CFAP77: variants seen among roughly 807,000 people sequenced by gnomAD.
CFAP77 encodes cilia- and flagella-associated protein 77.
A neutral mutation model predicts 31.1 loss-of-function variants in CFAP77; 25 were observed. The observed-to-expected ratio is 0.80, with a 90% CI of 0.59 to 1.12. CFAP77 has a LOEUF of 1.12. CFAP77 is among the 50% of genes most tolerant of loss of function. The pLI is 0.00. For synonymous variants in CFAP77, 151 were observed against 159.9 expected (o/e 0.94, Z 0.42); for missense variants, 377 against 397.3 (o/e 0.95, Z 0.44).
intron 5 of CFAP77, among the ~76,000 whole-genome samples, chr9:132,562,017 G>A (rs540742248): frequency 2.6e-5 from 4 of 152,326 alleles, no homozygotes; most frequent in Non-Finnish European, 4.4e-5. Flanking sequence ...GTGAATTTAC[G>A]CCCCCATGAA....
At chr9:132,544,016 G>C (rs1036485206) in intron 5 of CFAP77, among the ~76,000 whole-genome samples, 1 of 152,218 alleles carries the variant, frequency 6.6e-6, no homozygotes, top group African/African-American at 2.4e-5. Flanking sequence ...GCCCCGGGAA[G>C]ACAGCTGCAA....
At chr9:132,524,532 G>T (rs768115591) in intron 3 of CFAP77, among the ~76,000 whole-genome samples, 3 of 151,870 alleles carry the variant, frequency 2.0e-5, no homozygotes, top group African/African-American at 2.4e-5. Context: ...AGAATCACTT[G>T]AACCTGGGAG....
Position 132,458,144 on chromosome 9 carries a change from C to T in CFAP77, c.196-40551C>T, listed in dbSNP as rs1159501547. On this transcript the variant is annotated intron_variant, in intron 1 of 5. Coordinates refer to ENST00000393216, the MANE Select transcript of CFAP77 (RefSeq NM_001282957.2). ...GCGGCCTTGCGGTGCGTGTGAGATC[C>T]GGGGCGAAGGAATGAAAATCCTGCG... Among the ~76,000 whole-genome samples the T allele has an allele frequency of 4.6e-5, 7 of 152,184 alleles. No homozygotes were observed. The East Asian group carries it at 1.3e-3, about 29-fold the overall frequency.
At chr9:132,445,376 A>G (rs1850691928) in intron 1 of CFAP77, among the ~76,000 whole-genome samples, 1 of 152,174 alleles carries the variant, frequency 6.6e-6, no homozygotes, top group South Asian at 2.1e-4. Context: ...TATTTCACTT[A>G]GCCTCATCTT....
chr9:132,477,560 G>A (rs1008382515), intron 1 of CFAP77, among the ~76,000 whole-genome samples: 1 of 152,248 alleles, frequency 6.6e-6, no homozygotes, highest in Non-Finnish European at 1.5e-5. Context: ...CAGGGGTCAA[G>A]CGCCTAGCCT....
intron 1 of CFAP77, 47 bp downstream of exon 1, chr9:132,410,513 C>A: frequency 6.8e-7 from 1 of 1,472,076 alleles, no homozygotes; most frequent in Non-Finnish European, 9.0e-7. Context: ...CGGCTCCGGG[C>A]ACCTGCGCCG....
At position 132,410,243 on chromosome 9, in the gene CFAP77, C is replaced by T. The variant is rs908778809; in HGVS notation, c.-29C>T. On this transcript the variant is annotated 5_prime_UTR_variant, in exon 1 of 6. Coordinates refer to ENST00000393216, the MANE Select transcript of CFAP77 (RefSeq NM_001282957.2). ...GTGGGGAAGCGCGCCCAAACCAGCC[C>T]GCGGGCCGGCTCCCCGGCGACCTCA... The T allele has an allele frequency of 1.3e-6, 2 of 1,530,666 alleles. No homozygotes were observed. Among genetic ancestry groups the T allele is most frequent in the Non-Finnish European group, 1.8e-6 (2 of 1,141,338 alleles). 94.8% of individuals were successfully genotyped at this position (1,530,666 alleles called of 1,614,324 possible). A position where few individuals can be genotyped will look rare whatever the true frequency, so the allele number is the denominator to read the frequency against.
chr9:132,454,228 A>G (rs1850876695), intron 1 of CFAP77, among the ~76,000 whole-genome samples: 1 of 152,052 alleles, frequency 6.6e-6, no homozygotes, highest in Admixed American at 6.6e-5. Context: ...TTTATGGGAA[A>G]GAGTTTATCA....
intron 3 of CFAP77, among the ~76,000 whole-genome samples, chr9:132,520,265 A>G (rs1010853146): frequency 1.3e-5 from 2 of 152,100 alleles, no homozygotes; most frequent in African/African-American, 4.8e-5. Flanking sequence ...AGCCTTATTG[A>G]GGTGTAATTT....
At chr9:132,519,334 GGA>G (rs1194354653) in intron 3 of CFAP77, among the ~76,000 whole-genome samples, 8 of 150,092 alleles carry the variant, frequency 5.3e-5, no homozygotes, top group Non-Finnish European at 7.4e-5. Context: ...ATGGATGGAT[GGA>G]TGGGTGGGTG....
chr9:132,514,216 C>T (rs140573494), intron 3 of CFAP77, among the ~76,000 whole-genome samples: 293 of 151,518 alleles, frequency 1.9e-3, no homozygotes, highest in African/African-American at 5.4e-3. Flanking sequence ...AGTGAGGGGA[C>T]GCCCCCTTCC....
chr9:132,498,907 AGACCCAGG>A lies in CFAP77; in HGVS notation c.295+118_295+125del. ...TGGCAGCTGGTTGGGTGCTGGAGAA[AGACCCAGG>A]GACCGCCAGCCTGGGCAGCTGACTG... On this transcript the variant is annotated intron_variant, in intron 2 of 5. Transcript: ENST00000393216. This position sits in a 1 kb window ranked among gnomAD's most constrained non-coding sequence, Gnocchi z 4.2. 1 of 770,674 alleles carries A rather than the reference AGACCCAGG, an allele frequency of 1.3e-6. No homozygotes were observed. The highest frequency in any genetic ancestry group is 1.8e-5 in the South Asian group (1 of 56,270). The allele number at this position is 770,674 out of a possible 1,614,324, so 47.7% of individuals were successfully genotyped here.
intron 3 of CFAP77, among the ~76,000 whole-genome samples, chr9:132,531,318 C>T (rs940671673): frequency 2.0e-5 from 3 of 152,180 alleles, no homozygotes; most frequent in Non-Finnish European, 2.9e-5. Context: ...ATGTTGGTGG[C>T]CAATGGCCAA....
intron 5 of CFAP77, among the ~76,000 whole-genome samples, chr9:132,547,124 A>G (rs1329261796): frequency 6.6e-6 from 1 of 152,124 alleles, no homozygotes; most frequent in Non-Finnish European, 1.5e-5. Flanking sequence ...CCTGTGGGGG[A>G]TAGAGACGCT....
Position 132,495,184 on chromosome 9 carries a change from AT to A in CFAP77, c.196-3499del, listed in dbSNP as rs112247278. Among the ~76,000 whole-genome samples, 13,457 of 146,938 alleles carry A rather than the reference AT, an allele frequency of 0.092. 927 individuals are homozygous for A. The highest frequency in any genetic ancestry group is 0.2 in the African/African-American group (7,935 of 40,460). On this transcript the variant is annotated intron_variant, in intron 1 of 5. Transcript: ENST00000393216. The surrounding 1 kb of genome is among the most constrained non-coding windows in gnomAD (Gnocchi z 4.2). ...AAGTATGAGCAAACCTCCCATTGGG[AT>A]TTTTTTTTTTTGTAGTCTAAAGCTT...
intron 1 of CFAP77, among the ~76,000 whole-genome samples, chr9:132,426,706 C>G (rs1850323573): frequency 6.6e-6 from 1 of 152,210 alleles, no homozygotes; most frequent in South Asian, 2.1e-4. Context: ...TACCCACTTT[C>G]CATCACTGTT....
chr9:132,548,262 T>C (rs1040849329), intron 5 of CFAP77, among the ~76,000 whole-genome samples: 9 of 107,772 alleles, frequency 8.4e-5, no homozygotes, highest in Admixed American at 2.6e-4. Context: ...GTAGCAGTGG[T>C]GATCTTTGGG....
chr9:132,486,022 A>ATATATGTATG (rs1851538468), intron 1 of CFAP77, among the ~76,000 whole-genome samples: 2 of 25,850 alleles, frequency 7.7e-5, no homozygotes, highest in Non-Finnish European at 6.0e-5. Context: ...ATATATATAT[A>ATATATGTATG]TATATATATA....
At chr9:132,563,454 C>T (rs929603031) in intron 5 of CFAP77, among the ~76,000 whole-genome samples, 1 of 152,188 alleles carries the variant, frequency 6.6e-6, no homozygotes, top group African/African-American at 2.4e-5. Context: ...TGGGTGGGGC[C>T]TCTCTGGAGT....
Sources: gnomAD v4.1 joint callset for allele counts (sites outside exome capture counted in the v4.1 genomes callset) on GRCh38, gnomAD v4.1.1 for gene constraint, Gnocchi (gnomAD v3.1) non-coding constraint, MANE v1.5 for transcripts, NCBI Gene and HGNC (gene_info 2026-07-23, HGNC 2026-07-21) for gene names.